Variants in GLT1D1 observed in about 807,000 individuals in gnomAD.
GLT1D1 encodes the protein glycosyltransferase 1 domain containing 1.
A neutral mutation model predicts 28.7 loss-of-function variants in GLT1D1; 21 were observed. The observed-to-expected ratio is 0.73, with a 90% confidence interval of 0.52 to 1.05. The LOEUF (loss-of-function observed/expected upper bound fraction) is 1.05. Ranked by LOEUF, GLT1D1 falls within the 50% of genes least tolerant of loss-of-function variation. The pLI, the probability that GLT1D1 is intolerant of heterozygous loss-of-function variation, is 0.00. For missense variants in GLT1D1, 343 were observed against 330.6 expected, an observed-to-expected ratio of 1.04 and a Z score of -0.29; for synonymous variants, 147 against 124.8, an observed-to-expected ratio of 1.18 and a Z score of -1.19.
intron 2 of GLT1D1, among the ~76,000 whole-genome samples, chr12:128,882,894 CTATTTATTTATTTATT>C (rs60181904): frequency 2.2e-4 from 33 of 149,792 alleles, no homozygotes; most frequent in African/African-American, 7.8e-4. Flanking sequence ...CCTCCTCTTT[CTATTTATTTATTTATT>C]TATTTATTTA....
At chr12:128,935,785 C>T (rs1469571299) in intron 4 of GLT1D1, among the ~76,000 whole-genome samples, 1 of 152,010 alleles carries the variant, frequency 6.6e-6, no homozygotes, top group Non-Finnish European at 1.5e-5. Flanking sequence ...TTTTTAGGTG[C>T]CGTACACATG....
intron 4 of GLT1D1, among the ~76,000 whole-genome samples, chr12:128,905,640 T>G (rs1870771865): frequency 6.6e-6 from 1 of 152,184 alleles, no homozygotes; most frequent in Non-Finnish European, 1.5e-5. Flanking sequence ...AAGTCATTAT[T>G]TTTTAGTGTT....
intron 1 of GLT1D1, among the ~76,000 whole-genome samples, chr12:128,858,994 C>T (rs1034106984): frequency 2.0e-5 from 3 of 152,122 alleles, no homozygotes; most frequent in African/African-American, 7.2e-5. Flanking sequence ...TTTGAGTTGT[C>T]CTGCCTTTCT....
chr12:128,929,943 T>G (rs1294347777), intron 4 of GLT1D1, among the ~76,000 whole-genome samples: 2 of 152,236 alleles, frequency 1.3e-5, no homozygotes, highest in African/African-American at 4.8e-5. Context: ...GCCACTGCAC[T>G]CCAGCCTGGG....
intron 4 of GLT1D1, among the ~76,000 whole-genome samples, chr12:128,917,646 G>A (rs1332261985): frequency 6.6e-6 from 1 of 152,128 alleles, no homozygotes; most frequent in Admixed American, 6.5e-5. Context: ...CAAACAGAAA[G>A]ACACCCCAAG....
intron 1 of GLT1D1, among the ~76,000 whole-genome samples, chr12:128,871,817 A>G (rs1462003658): frequency 6.6e-6 from 1 of 152,180 alleles, no homozygotes; most frequent in Non-Finnish European, 1.5e-5. Context: ...GTTCAGCTGA[A>G]TAAATAACTA....
chr12:128,937,906 A>G lies in GLT1D1; in HGVS notation c.376-7420A>G, dbSNP rs564327805. ...TCAAGTAAACCTCTTTCCTTTGTAA[A>G]TGATGCAGTCTTGGATGTGTCTTTA... On this transcript the variant is annotated intron_variant, in intron 4 of 7. Coordinates refer to ENST00000281703, the MANE Select transcript of GLT1D1 (RefSeq NM_144669.3). Among the ~76,000 whole-genome samples the G allele has an allele frequency of 2.2e-4, 33 of 152,278 alleles. No individual in the cohort carries two copies. The South Asian group carries it at 5.2e-3, about 24-fold the overall frequency.
At chr12:128,877,474 C>A (rs1239490122) in intron 2 of GLT1D1, among the ~76,000 whole-genome samples, 1 of 152,190 alleles carries the variant, frequency 6.6e-6, no homozygotes, top group East Asian at 1.9e-4. Context: ...CCTCCTGTTC[C>A]ACAGGAAGTT....
At chr12:128,906,327 C>T (rs145889922) in intron 4 of GLT1D1, among the ~76,000 whole-genome samples, 95 of 152,138 alleles carry the variant, frequency 6.2e-4, no homozygotes, top group African/African-American at 2.2e-3. Flanking sequence ...ACGTTTAGAG[C>T]GCTTTGTCTA....
At chr12:128,872,751 C>T (rs113181362) in intron 1 of GLT1D1, among the ~76,000 whole-genome samples, 198 of 152,232 alleles carry the variant, frequency 1.3e-3, no homozygotes, top group African/African-American at 4.1e-3. Context: ...TACACACGCA[C>T]GCTCACACTC....
chr12:128,853,539 G>T lies in GLT1D1; in HGVS notation c.-43G>T. On this transcript the variant is annotated 5_prime_UTR_variant, in exon 1 of 8. Transcript: ENST00000281703. ...TCTGCGCCGGCCCCGGGGCCTGGTCGGCGGCGGCGGGGCCGGTCGATGGCC... is the reference window on the plus strand; with the variant it reads ...TCTGCGCCGGCCCCGGGGCCTGGTCTGCGGCGGCGGGGCCGGTCGATGGCC... The T allele has an allele frequency of 9.7e-7, 1 of 1,033,790 alleles. No homozygotes were observed. The highest frequency in any genetic ancestry group is 4.3e-5 in the South Asian group (1 of 23,042). 64.0% of individuals were successfully genotyped at this position (1,033,790 alleles called of 1,614,324 possible).
intron 6 of GLT1D1, among the ~76,000 whole-genome samples, chr12:128,952,045 T>C (rs892805565): frequency 1.2e-4 from 18 of 152,102 alleles, no homozygotes; most frequent in Non-Finnish European, 1.3e-4. Context: ...CTTCTGTCAT[T>C]CAGCAGAAAT....
chr12:128,914,995 A>G lies in GLT1D1; in HGVS notation c.375+15708A>G. The G allele has an allele frequency of 6.5e-7, 1 of 1,533,744 alleles. No homozygotes were observed. The highest frequency in any genetic ancestry group is 8.7e-7 in the Non-Finnish European group (1 of 1,144,846). On this transcript the variant is annotated intron_variant, in intron 4 of 7. Coordinates refer to ENST00000281703, the MANE Select transcript of GLT1D1 (RefSeq NM_144669.3). Reference sequence around the variant, plus strand: ...TACCTTTCTTCAACGCTCTGGTGAGACATGAGATCTTCTTAGAGGATTTTG... The same window carrying G: ...TACCTTTCTTCAACGCTCTGGTGAGGCATGAGATCTTCTTAGAGGATTTTG...
intron 2 of GLT1D1, among the ~76,000 whole-genome samples, chr12:128,878,282 C>T (rs149738561): frequency 3.9e-5 from 6 of 152,326 alleles, no homozygotes; most frequent in East Asian, 3.9e-4. Context: ...TCCTTTTCAC[C>T]GCTCAGCCAC....
At chr12:128,936,061 A>C (rs986738384) in intron 4 of GLT1D1, among the ~76,000 whole-genome samples, 1 of 152,104 alleles carries the variant, frequency 6.6e-6, no homozygotes, top group Non-Finnish European at 1.5e-5. Flanking sequence ...CCTGCCTCAC[A>C]GTTTGCAGCG....
chr12:128,939,843 C>A (rs1033651086), intron 4 of GLT1D1, among the ~76,000 whole-genome samples: 1 of 145,430 alleles, frequency 6.9e-6, no homozygotes, highest in Non-Finnish European at 1.5e-5. Context: ...AGAAACCCCC[C>A]CCCACCGCCG....
chr12:128,899,287 G>A lies in GLT1D1; in HGVS notation c.375G>A (p.Trp125Ter), dbSNP rs1869977397. 6.2e-7 allele frequency: 1 copy of A among 1,612,660 alleles called. No homozygotes were observed. Residue 125 changes from tryptophan to a stop codon, truncating the protein, a stop_gained and splice_region_variant, in exon 4 of 8, where the codon TGG becomes TGA. Coordinates refer to ENST00000281703, the MANE Select transcript of GLT1D1 (RefSeq NM_144669.3). LOFTEE classifies it high-confidence loss of function. ...TGAAGGAAATGGCACAAGCGCAGTG[G>A]GTATGTGTTTATCTGGTGTTGTTAT...
intron 1 of GLT1D1, among the ~76,000 whole-genome samples, chr12:128,865,560 C>T (rs1378018472): frequency 1.3e-5 from 2 of 152,146 alleles, no homozygotes; most frequent in African/African-American, 4.8e-5. Flanking sequence ...CGGTGGCTCA[C>T]GCCTGTAATC....
intron 3 of GLT1D1, among the ~76,000 whole-genome samples, chr12:128,895,135 A>G (rs891422972): frequency 5.3e-5 from 8 of 151,810 alleles, no homozygotes; most frequent in Middle Eastern, 3.2e-3. Flanking sequence ...GGAAATGGCT[A>G]TTTCTCAAAG....
Sources: gnomAD v4.1 joint callset for allele counts (sites outside exome capture counted in the v4.1 genomes callset) on GRCh38, gnomAD v4.1.1 for gene constraint, MANE v1.5 for transcripts, NCBI Gene and HGNC (gene_info 2026-07-23, HGNC 2026-07-21) for gene names.